TENM4: variants seen among roughly 807,000 people sequenced by gnomAD.
The protein encoded by TENM4 is teneurin-4.
TENM4 carries 82 observed loss-of-function variants against 243.3 expected under a neutral mutation model. That is an observed-to-expected ratio of 0.34 (90% CI 0.28 to 0.40). The LOEUF is 0.40. Ranked by LOEUF, TENM4 falls within the 10% of genes least tolerant of loss-of-function variation. The probability of loss-of-function intolerance (pLI) is 1.00; values close to 1 mark genes in which losing one functional copy is unlikely to be tolerated. For missense variants in TENM4, 3,138 were observed against 3,673.3 expected (o/e 0.85, Z 3.77); for synonymous variants, 1,412 against 1,456.3 (o/e 0.97, Z 0.69).
chr11:79,142,950 GA>G lies in TENM4; in HGVS notation c.-66+5759del, dbSNP rs527406502. On this transcript the variant is annotated intron_variant, in intron 4 of 33. Coordinates refer to ENST00000278550, the MANE Select transcript of TENM4 (RefSeq NM_001098816.3). ...ATGCTCATCATCACTGGCCATCAGA[GA>G]AATGCAAATCAAAACCACAATGAGA... 1.6e-4 allele frequency among the ~76,000 whole-genome samples: 25 copies of G among 152,168 alleles called. No individual in the cohort carries two copies. The East Asian group carries it at 4.6e-3, about 28-fold the overall frequency.
chr11:78,764,426 G>A (rs80254753), intron 18 of TENM4, among the ~76,000 whole-genome samples: 14,068 of 152,304 alleles, frequency 0.092, 1,953 homozygotes, highest in African/African-American at 0.3. Flanking sequence ...GCCTCTCCAC[G>A]TGGGGCAGAA....
At chr11:79,237,771 C>G (rs946299985) in intron 2 of TENM4, among the ~76,000 whole-genome samples, 1 of 152,178 alleles carries the variant, frequency 6.6e-6, no homozygotes, top group African/African-American at 2.4e-5. Flanking sequence ...CTGCAGTGCA[C>G]GGCCAAATAG....
In TENM4 at chr11:78,933,838, T is replaced by C. The variant is rs576758142; in HGVS notation, c.494-30315A>G. 2.6e-5 allele frequency among the ~76,000 whole-genome samples: 4 copies of C among 152,254 alleles called. No homozygotes were observed. In the South Asian group the frequency reaches 8.3e-4, roughly 32 times the overall value. ...TATGTTGCTCCTGGCAGGTGCTCAA[T>C]AAATGTGAGCACCTCTCTCCCCTTC... is the stretch of plus-strand genomic sequence containing the variant. On this transcript the variant is annotated intron_variant, in intron 6 of 33. Coordinates refer to ENST00000278550, the MANE Select transcript of TENM4 (RefSeq NM_001098816.3).
At chr11:78,707,972 C>T (rs541706132) in intron 27 of TENM4, among the ~76,000 whole-genome samples, 36 of 152,342 alleles carry the variant, frequency 2.4e-4, no homozygotes, top group African/African-American at 8.2e-4. Context: ...TGGTTACTGA[C>T]AGCATTTCTG....
chr11:78,751,528 C>T (rs931849728), intron 19 of TENM4, among the ~76,000 whole-genome samples: 2 of 152,188 alleles, frequency 1.3e-5, no homozygotes, highest in Non-Finnish European at 2.9e-5. Context: ...TGCCTCCTCT[C>T]TGGGTGGTTG....
intron 3 of TENM4, among the ~76,000 whole-genome samples, chr11:79,189,983 A>C (rs1863447943): frequency 1.3e-5 from 2 of 152,208 alleles, no homozygotes; most frequent in Non-Finnish European, 2.9e-5. Context: ...TTCCACATGT[A>C]GCAGGATTTA....
At chr11:79,250,609 TC>T (rs1196178900) in intron 2 of TENM4, among the ~76,000 whole-genome samples, 1 of 152,232 alleles carries the variant, frequency 6.6e-6, no homozygotes, top group Non-Finnish European at 1.5e-5. Flanking sequence ...ATGCCTGGTT[TC>T]CAGGCCTTAA....
chr11:79,426,497 C>T (rs563990179), intron 1 of TENM4, among the ~76,000 whole-genome samples: 23 of 152,302 alleles, frequency 1.5e-4, no homozygotes, highest in African/African-American at 5.5e-4. Context: ...AGGCCAAATG[C>T]CTCACACAAT....
At chr11:79,137,581 C>T (rs1042037447) in intron 4 of TENM4, among the ~76,000 whole-genome samples, 1 of 152,144 alleles carries the variant, frequency 6.6e-6, no homozygotes, top group African/African-American at 2.4e-5. Context: ...GTTACAACCG[C>T]GTGACCAGCT....
chr11:79,193,170 T>C (rs988979546), intron 3 of TENM4: 1 of 152,264 alleles, frequency 6.6e-6, no homozygotes, highest in Non-Finnish European at 1.5e-5. Context: ...GTACCATTTC[T>C]GGAGCAGCTC....
rs570234634 is a variant in TENM4, at chr11:79,139,185, T to C, written c.-66+9525A>G. 8.0e-3 allele frequency among the ~76,000 whole-genome samples: 253 copies of C among 31,626 alleles called. 2 individuals carry two copies. Among genetic ancestry groups the C allele is most frequent in the African/African-American group, 0.029 (96 of 3,314 alleles). The allele number at this position is 31,626 out of a possible 152,430, so 20.7% of individuals were successfully genotyped here. On this transcript the variant is annotated intron_variant, in intron 4 of 33. Transcript: ENST00000278550. The stretch of plus-strand genomic sequence containing the variant: ...ATTATATTTCTATAAATATATAAAA[T>C]ATATATTATATTTCTATAAATATAT...
At chr11:79,137,951 G>A (rs1041149572) in intron 4 of TENM4, among the ~76,000 whole-genome samples, 1 of 151,996 alleles carries the variant, frequency 6.6e-6, no homozygotes, top group African/African-American at 2.4e-5. Context: ...GTGTCAACTT[G>A]ATTGGATTGA....
chr11:79,138,836 A>C (rs56651709), intron 4 of TENM4, among the ~76,000 whole-genome samples: 2 of 119,856 alleles, frequency 1.7e-5, no homozygotes, highest in African/African-American at 6.7e-5. Context: ...CAAAACATAC[A>C]TTATATTTAT....
intron 6 of TENM4, among the ~76,000 whole-genome samples, chr11:78,993,574 G>C (rs1285195885): frequency 6.6e-6 from 1 of 151,856 alleles, no homozygotes; most frequent in African/African-American, 2.4e-5. Flanking sequence ...CTCTCTTTCT[G>C]CTTCAGTTTG....
At chr11:79,177,135 C>CT (rs958456636) in intron 3 of TENM4, among the ~76,000 whole-genome samples, 18 of 139,190 alleles carry the variant, frequency 1.3e-4, no homozygotes, top group South Asian at 2.2e-4. Context: ...TTGTTTAAAC[C>CT]TTTTTTTTTT....
chr11:78,795,164 G>A (rs1270580795), intron 15 of TENM4, among the ~76,000 whole-genome samples: 1 of 152,200 alleles, frequency 6.6e-6, no homozygotes, highest in Non-Finnish European at 1.5e-5. Context: ...CCTCCCGGCA[G>A]CTGGAAGGAG....
chr11:79,423,249 T>C (rs1184821488), intron 1 of TENM4, among the ~76,000 whole-genome samples: 1 of 152,108 alleles, frequency 6.6e-6, no homozygotes, highest in Non-Finnish European at 1.5e-5. Flanking sequence ...TTTACCTATA[T>C]TATCTCCTGA....
Position 78,856,192 on chromosome 11 carries a change from G to C in TENM4, c.1256-14C>G, listed in dbSNP as rs779675019. ...TACTGGGCTTTCCTACCAAGATAGA[G>C]GGAAGGGAAGACAAAGACATCTCGG... On this transcript the variant is annotated splice_polypyrimidine_tract_variant and intron_variant, in intron 10 of 33. Transcript: ENST00000278550. 6.5e-7 allele frequency: 1 copy of C among 1,548,928 alleles called. No individual in the cohort carries two copies. Among genetic ancestry groups the C allele is most frequent in the South Asian group, 1.2e-5 (1 of 83,970 alleles).
chr11:79,118,317 GATGA>G (rs1861663807), intron 4 of TENM4, among the ~76,000 whole-genome samples: 1 of 152,170 alleles, frequency 6.6e-6, no homozygotes, highest in South Asian at 2.1e-4. Context: ...GCTCTTTAGA[GATGA>G]CATTTTATGT....
Sources: allele counts gnomAD v4.1 joint callset (sites outside exome capture counted in the v4.1 genomes callset), GRCh38; gene constraint gnomAD v4.1.1; transcripts MANE v1.5; gene names NCBI Gene and HGNC (gene_info 2026-07-23, HGNC 2026-07-21).